Variants in ABHD12 observed in about 807,000 individuals in gnomAD.
The protein encoded by ABHD12 is abhydrolase domain containing 12, lysophospholipase, also known as lysophosphatidylserine lipase ABHD12.
A neutral mutation model predicts 58.3 loss-of-function variants in ABHD12; 43 were observed. That is an observed-to-expected ratio of 0.74 (90% CI 0.58 to 0.95). The LOEUF (loss-of-function observed/expected upper bound fraction) is 0.95. Among genes scored for constraint, ABHD12 ranks in the 40% least tolerant of loss-of-function variants. The pLI, the probability that ABHD12 is intolerant of heterozygous loss-of-function variation, is 0.00. For missense variants in ABHD12, 539 were observed against 537.2 expected, an observed-to-expected ratio of 1.00 and a Z score of -0.03; for synonymous variants, 219 against 211.2, an observed-to-expected ratio of 1.04 and a Z score of -0.32.
chr20:25,376,640 C>A (rs904579314), intron 1 of ABHD12, among the ~76,000 whole-genome samples: 20 of 152,200 alleles, frequency 1.3e-4, no homozygotes, highest in African/African-American at 4.6e-4. Context: ...CACTTTATCA[C>A]CCTTTGAAAT....
Position 25,300,404 on chromosome 20 carries a change from G to A in ABHD12, c.*441C>T, listed in dbSNP as rs2088613739. 19 of 1,137,972 alleles carry A rather than the reference G, an allele frequency of 1.7e-5. No homozygotes were observed. Among genetic ancestry groups the A allele is most frequent in the Non-Finnish European group, 1.9e-5 (17 of 916,510 alleles). 70.5% of individuals were successfully genotyped at this position (1,137,972 alleles called of 1,614,324 possible). On this transcript the variant is annotated 3_prime_UTR_variant, in exon 13 of 13. Coordinates refer to ENST00000339157, the MANE Select transcript of ABHD12 (RefSeq NM_001042472.3). The stretch of plus-strand genomic sequence containing the variant: ...GGCAGGAGGGGACGATGGAACCACT[G>A]GAGTCATTCTGCATGTGCTGGGAAG...
At chr20:25,296,452 A>G (rs2088546850), downstream of ABHD12, 1 of 1,613,904 alleles carries the variant, frequency 6.2e-7, no homozygotes, top group Non-Finnish European at 8.5e-7. Flanking sequence ...ATCACGGAGT[A>G]TGCACGGGAG....
In ABHD12 at chr20:25,300,356, G is replaced by C. The variant is rs2088612608; in HGVS notation, c.*489C>G. ...CCAGCCCAGGGGAGGTGGGGCAGCT[G>C]AGAAAGGCAAGCAGGTACACAGGGC... On this transcript the variant is annotated 3_prime_UTR_variant, in exon 13 of 13. Coordinates refer to ENST00000339157, the MANE Select transcript of ABHD12 (RefSeq NM_001042472.3). The C allele has an allele frequency of 9.5e-7, 1 of 1,056,434 alleles. No homozygotes were observed. Among genetic ancestry groups the C allele is most frequent in the Admixed American group, 4.8e-5 (1 of 20,748 alleles). The allele number at this position is 1,056,434 out of a possible 1,614,324, so 65.4% of individuals were successfully genotyped here.
At chr20:25,382,639 C>T (rs1411441008) in intron 1 of ABHD12, among the ~76,000 whole-genome samples, 2 of 152,142 alleles carry the variant, frequency 1.3e-5, no homozygotes, top group African/African-American at 4.8e-5. Flanking sequence ...GATGACCCAT[C>T]TTCCATGCCT....
chr20:25,347,078 G>A (rs890108577), intron 1 of ABHD12, among the ~76,000 whole-genome samples: 5 of 152,220 alleles, frequency 3.3e-5, no homozygotes, highest in Non-Finnish European at 7.3e-5. Context: ...TTAGTGTTCA[G>A]AGACTTGAGA....
chr20:25,323,556 C>A, intron 2 of ABHD12, 126 bp from the exon 3 acceptor site: 2 of 718,804 alleles, frequency 2.8e-6, no homozygotes, highest in Non-Finnish European at 5.1e-6. Flanking sequence ...CACATGCACA[C>A]CCACATGCAC....
At chr20:25,295,401 G>A (rs2088525660), downstream of ABHD12, among the ~76,000 whole-genome samples, 1 of 152,270 alleles carries the variant, frequency 6.6e-6, no homozygotes, top group Admixed American at 6.5e-5. Context: ...ATTGTCCCAG[G>A]ACATAAGTGT....
intron 2 of ABHD12, among the ~76,000 whole-genome samples, chr20:25,327,379 A>G (rs1330261544): frequency 6.6e-6 from 1 of 151,684 alleles, no homozygotes; most frequent in Non-Finnish European, 1.5e-5. Context: ...AGGCAAGAGA[A>G]TTGCTTGAAC....
exon 13 of ABHD12, chr20:25,294,869 C>A: frequency 7.5e-7 from 1 of 1,338,504 alleles, no homozygotes; most frequent in East Asian, 2.3e-5. Flanking sequence ...AAGTTGAATC[C>A]GGCGAGGGCT....
At chr20:25,326,079 AAAAG>A (rs2089171107) in intron 2 of ABHD12, among the ~76,000 whole-genome samples, 1 of 150,604 alleles carries the variant, frequency 6.6e-6, no homozygotes, top group African/African-American at 2.4e-5. Flanking sequence ...CAAAAAAAAA[AAAAG>A]AAAAGAAAAA....
downstream of ABHD12, chr20:25,295,794 C>T: frequency 9.2e-7 from 1 of 1,090,042 alleles, no homozygotes; most frequent in Non-Finnish European, 1.4e-6. Flanking sequence ...GTTTGTGATT[C>T]TGATCTGTCA....
chr20:25,296,418 G>A (rs967014750), downstream of ABHD12: 1 of 1,613,916 alleles, frequency 6.2e-7, no homozygotes, highest in Admixed American at 1.7e-5. Context: ...CGCCTGCTCG[G>A]GCAAGTTCTC....
At chr20:25,327,328 A>T (rs1399916553) in intron 2 of ABHD12, among the ~76,000 whole-genome samples, 3 of 152,108 alleles carry the variant, frequency 2.0e-5, no homozygotes, top group Non-Finnish European at 4.4e-5. Flanking sequence ...TTAGCCGGGC[A>T]TGGTGGTGAG....
intron 10 of ABHD12, among the ~76,000 whole-genome samples, chr20:25,305,659 C>A (rs547240297): frequency 6.6e-6 from 1 of 152,086 alleles, no homozygotes; most frequent in East Asian, 1.9e-4. Flanking sequence ...CCACGCCCAG[C>A]CTACTTCCCT....
intron 2 of ABHD12, among the ~76,000 whole-genome samples, chr20:25,332,364 T>G (rs1202556432): frequency 6.6e-6 from 1 of 151,926 alleles, no homozygotes; most frequent in Non-Finnish European, 1.5e-5. Flanking sequence ...ATGGGAGACT[T>G]TAACAACCCA....
chr20:25,347,157 A>C (rs1177980621), intron 1 of ABHD12, among the ~76,000 whole-genome samples: 1 of 152,180 alleles, frequency 6.6e-6, no homozygotes, highest in Non-Finnish European at 1.5e-5. Flanking sequence ...CTAATTTTGA[A>C]ACCTTCACAG....
intron 1 of ABHD12, among the ~76,000 whole-genome samples, chr20:25,373,744 C>T (rs1280194822): frequency 6.6e-6 from 1 of 151,784 alleles, no homozygotes; most frequent in Admixed American, 6.6e-5. Context: ...TATACTGCTT[C>T]ATGTTTCTTA....
intron 7 of ABHD12, among the ~76,000 whole-genome samples, chr20:25,309,049 G>C (rs891342915): frequency 1.3e-5 from 2 of 152,204 alleles, no homozygotes; most frequent in African/African-American, 2.4e-5. Flanking sequence ...GGTTCCCGCA[G>C]AGACGTGGAC....
intron 11 of ABHD12, 30 bp downstream of exon 11, chr20:25,303,520 G>A (rs931431592): frequency 1.2e-6 from 2 of 1,611,356 alleles, no homozygotes; most frequent in African/African-American, 1.3e-5. Context: ...CAAGATGCCA[G>A]CTACACCAGA....
Sources: gnomAD v4.1 joint callset for allele counts (sites outside exome capture counted in the v4.1 genomes callset) on GRCh38, gnomAD v4.1.1 for gene constraint, MANE v1.5 for transcripts, NCBI Gene and HGNC (gene_info 2026-07-23, HGNC 2026-07-21) for gene names.